ERCC1: variants seen among roughly 807,000 people sequenced by gnomAD.
ERCC1 encodes ERCC excision repair 1, endonuclease non-catalytic subunit, also known as DNA excision repair protein ERCC-1.
In ERCC1, 36 loss-of-function variants were observed where a neutral mutation model predicts 37.6. That is an observed-to-expected ratio of 0.96 (90% CI 0.73 to 1.26). ERCC1 has a LOEUF of 1.26. Among genes scored for constraint, ERCC1 ranks in the 50% most tolerant of loss-of-function variants. The pLI is 0.00. For missense variants in ERCC1, 349 were observed against 376.5 expected (o/e 0.93, Z 0.60); for synonymous variants, 156 against 162.1 (o/e 0.96, Z 0.28).
intron 1 of ERCC1, among the ~76,000 whole-genome samples, chr19:45,447,883 T>G (rs992496689): frequency 1.3e-5 from 2 of 151,820 alleles, no homozygotes; most frequent in African/African-American, 4.8e-5. Context: ...GATTTTTTTT[T>G]TTTTTTGAGA....
intron 1 of ERCC1, among the ~76,000 whole-genome samples, chr19:45,434,747 G>A (rs754666002): frequency 1.3e-5 from 2 of 150,860 alleles, no homozygotes; most frequent in South Asian, 2.1e-4. Context: ...TGCCACACCC[G>A]GCCTTTTTTA....
intron 4 of ERCC1, among the ~76,000 whole-genome samples, chr19:45,419,890 T>C (rs1974297683): frequency 8.6e-6 from 1 of 116,614 alleles, no homozygotes; most frequent in African/African-American, 3.4e-5. Flanking sequence ...CCCTCCTCCC[T>C]TAGACCCAGG....
In ERCC1 at chr19:45,429,763, G is replaced by A. The variant is rs1028300876; in HGVS notation, c.-7-6382C>T. 3.9e-5 allele frequency among the ~76,000 whole-genome samples: 6 copies of A among 151,964 alleles called. No individual in the cohort carries two copies. In the East Asian group the frequency reaches 7.8e-4, roughly 20 times the overall value. On this transcript the variant is annotated intron_variant, in intron 1 of 8. Coordinates refer to the ERCC1 transcript ENST00000423698. The stretch of plus-strand genomic sequence containing the variant: ...TGTACCTCCAGGACCTGGTGCCCAG[G>A]GCAATTCCTTTATTTTTATTATTAT...
chr19:45,433,176 G>C (rs144185439), intron 1 of ERCC1, among the ~76,000 whole-genome samples: 153 of 152,260 alleles, frequency 1.0e-3, no homozygotes, highest in African/African-American at 3.5e-3. Context: ...GATCACTTGA[G>C]GTCAGGAGTT....
chr19:45,422,174 C>T (rs1014802403), intron 2 of ERCC1, among the ~76,000 whole-genome samples: 31 of 152,250 alleles, frequency 2.0e-4, no homozygotes, highest in African/African-American at 7.2e-4. Context: ...CTGCTCAGAG[C>T]TGGTGGGTGG....
chr19:45,411,439 C>T (rs936380108), intron 9 of ERCC1, among the ~76,000 whole-genome samples: 1 of 151,258 alleles, frequency 6.6e-6, no homozygotes, highest in African/African-American at 2.4e-5. Context: ...CTTTTCTTCA[C>T]ATCCTCGCCA....
chr19:45,415,050 T>A, intron 6 of ERCC1, 90 bp from the exon 7 acceptor site: 1 of 982,248 alleles, frequency 1.0e-6, no homozygotes, highest in East Asian at 2.6e-5. Flanking sequence ...TTGCCAATAC[T>A]AGGCCGGGCG....
At chr19:45,443,433 C>CA (rs1347387132) in intron 1 of ERCC1, among the ~76,000 whole-genome samples, 1 of 152,170 alleles carries the variant, frequency 6.6e-6, no homozygotes, top group Non-Finnish European at 1.5e-5. Flanking sequence ...TCGCTAAGAA[C>CA]ACCCCTCCCC....
At chr19:45,447,568 C>T (rs552236629) in intron 1 of ERCC1, among the ~76,000 whole-genome samples, 1 of 152,128 alleles carries the variant, frequency 6.6e-6, no homozygotes, top group African/African-American at 2.4e-5. Flanking sequence ...AACCACTGTG[C>T]CGGGCGTCTA....
At position 45,408,690 on chromosome 19, in the gene ERCC1, C is replaced by T. The variant is rs1035447642; in HGVS notation, c.*985G>A. 2 of 1,613,772 alleles carry T rather than the reference C, an allele frequency of 1.2e-6. No individual in the cohort carries two copies. Among genetic ancestry groups the T allele is most frequent in the Non-Finnish European group, 1.7e-6 (2 of 1,179,934 alleles). The stretch of plus-strand genomic sequence containing the variant: ...GAGCCCACAGTGGAGACACTGGAGC[C>T]TCTGGGAGTGCTGTTCCCGTCCACC... On this transcript the variant is annotated 3_prime_UTR_variant, in exon 10 of 10. Transcript: ENST00000300853.
chr19:45,445,747 C>T (rs1008070090), intron 1 of ERCC1, among the ~76,000 whole-genome samples: 3 of 152,054 alleles, frequency 2.0e-5, no homozygotes, highest in African/African-American at 7.2e-5. Flanking sequence ...GGCACTGGAG[C>T]AGAAGAGGTC....
In ERCC1 at chr19:45,420,541, C is replaced by T; in HGVS notation, c.322-114G>A. The T allele has an allele frequency of 1.4e-6, 1 of 726,510 alleles. No homozygotes were observed. Among genetic ancestry groups the T allele is most frequent in the Non-Finnish European group, 2.5e-6 (1 of 403,688 alleles). The allele number at this position is 726,510 out of a possible 1,614,324, so 45.0% of individuals were successfully genotyped here. ...CTCCTCCCACCTCTTCCCACACCTC[C>T]TGCCTCCTCGCACCTCTTCCCACAC... On this transcript the variant is annotated intron_variant, in intron 3 of 9. Coordinates refer to ENST00000300853, the MANE Select transcript of ERCC1 (RefSeq NM_001983.4). The surrounding 1 kb of genome is among the most constrained non-coding windows in gnomAD (Gnocchi z 4.8).
intron 1 of ERCC1, among the ~76,000 whole-genome samples, chr19:45,443,123 T>C (rs1169664074): frequency 1.3e-5 from 2 of 152,096 alleles, no homozygotes; most frequent in Non-Finnish European, 2.9e-5. Context: ...TGGTGCCCTC[T>C]GCACTAGGGA....
chr19:45,432,109 C>T (rs968543194), intron 1 of ERCC1, among the ~76,000 whole-genome samples: 1 of 151,804 alleles, frequency 6.6e-6, no homozygotes, highest in African/African-American at 2.4e-5. Flanking sequence ...GTAGCTGGGA[C>T]TACAGGCATG....
intron 1 of ERCC1, among the ~76,000 whole-genome samples, chr19:45,443,014 C>T (rs937800251): frequency 1.3e-5 from 2 of 151,872 alleles, no homozygotes; most frequent in African/African-American, 4.8e-5. Flanking sequence ...AGTCATGCCC[C>T]GCGGGGGGGA....
At chr19:45,425,990 T>A (rs1361302127), upstream of ERCC1, among the ~76,000 whole-genome samples, 1 of 151,822 alleles carries the variant, frequency 6.6e-6, no homozygotes, top group Non-Finnish European at 1.5e-5. Context: ...ATGTCTGTAA[T>A]CCTAGCACTT....
Position 45,414,886 on chromosome 19 carries a change from T to C in ERCC1, c.677A>G (p.Lys226Arg). The change falls in exon 7 of 10, where the codon AAG (lysine) becomes AGG (arginine). Residue 226 changes from lysine (K) to arginine (R), a missense_variant. By Grantham distance (26) the Lys-to-Arg change is conservative. Coordinates refer to ENST00000300853, the MANE Select transcript of ERCC1 (RefSeq NM_001983.4). ...EQKPADLLME[K>R]LEQDFVSRVT... is the part of the protein sequence containing the mutation. The stretch of plus-strand genomic sequence containing the variant: ...CCGGGAGACGAAGTCCTGCTCTAGC[T>C]TCTCCATCAGGAGGTCCGCTGGTTT... 4 of 1,613,606 alleles carry C rather than the reference T, an allele frequency of 2.5e-6. No individual in the cohort carries two copies. Among genetic ancestry groups the C allele is most frequent in the Non-Finnish European group, 2.5e-6 (3 of 1,179,658 alleles).
At chr19:45,409,892 A>ATTTTTTTTTTTTTTTTTTTT (rs200386912) in intron 9 of ERCC1, 167 bp from the exon 10 acceptor site, 4 of 203,776 alleles carry the variant, frequency 2.0e-5, no homozygotes, top group South Asian at 2.0e-4. Context: ...TATTATTATT[A>ATTTTTTTTTTTTTTTTTTTT]TTATTTTTTT....
At chr19:45,423,725 G>A in intron 1 of ERCC1, 56 bp downstream of exon 1, 1 of 1,169,378 alleles carries the variant, frequency 8.6e-7, no homozygotes, top group Non-Finnish European at 1.1e-6. Context: ...TCTCAGACTC[G>A]GCAATGATTG....
Sources: gnomAD v4.1 joint callset for allele counts (sites outside exome capture counted in the v4.1 genomes callset) on GRCh38, gnomAD v4.1.1 for gene constraint, Gnocchi (gnomAD v3.1) non-coding constraint, MANE v1.5 for transcripts, NCBI Gene and HGNC (gene_info 2026-07-23, HGNC 2026-07-21) for gene names.